The following GRM7 variants were observed in gnomAD, a reference collection of about 807,000 sequenced individuals.
GRM7 encodes metabotropic glutamate receptor 7.
In GRM7, 35 loss-of-function variants were observed where a neutral mutation model predicts 84.5. The ratio of observed to expected loss-of-function variants is 0.41; its 90% confidence interval spans 0.32 to 0.55. GRM7 has a LOEUF of 0.55. Among genes scored for constraint, GRM7 ranks in the 20% least tolerant of loss-of-function variants. GRM7 has a pLI of 0.19. For missense variants in GRM7, 1,003 were observed against 1,194.6 expected (o/e 0.84, Z 2.36); for synonymous variants, 487 against 455.1 (o/e 1.07, Z -0.89).
At position 6,928,128 on chromosome 3, in the gene GRM7, T is replaced by C. The variant is rs892862719; in HGVS notation, c.519+66221T>C. Reference sequence around the variant, plus strand: ...TTTTTCTACACTGCTGAGGTAGGTATTTTAACACATCCCTCATTGATCCTG... The same window carrying C: ...TTTTTCTACACTGCTGAGGTAGGTACTTTAACACATCCCTCATTGATCCTG... On this transcript the variant is annotated intron_variant, in intron 1 of 9. Transcript: ENST00000357716. This position sits in a 1 kb window ranked among gnomAD's most constrained non-coding sequence, Gnocchi z 4.5. 4.5e-4 allele frequency among the ~76,000 whole-genome samples: 69 copies of C among 152,024 alleles called. No homozygotes were observed. The highest frequency in any genetic ancestry group is 1.7e-3 in the African/African-American group (69 of 41,386).
chr3:7,449,178 T>G (rs1697657563), intron 5 of GRM7, among the ~76,000 whole-genome samples: 1 of 152,026 alleles, frequency 6.6e-6, no homozygotes, highest in Admixed American at 6.6e-5. Context: ...AAAAATAGCT[T>G]TTATATATAG....
chr3:7,722,448 C>CTT (rs34076976), intron 9 of GRM7, among the ~76,000 whole-genome samples: 6 of 136,510 alleles, frequency 4.4e-5, no homozygotes, highest in Non-Finnish European at 7.9e-5. Context: ...ATCCTTGTGT[C>CTT]TTTTTTTTTT....
At position 7,157,878 on chromosome 3, in the gene GRM7, T is replaced by A. The variant is rs546615115; in HGVS notation, c.736+11210T>A. Among the ~76,000 whole-genome samples the A allele has an allele frequency of 4.6e-4, 70 of 152,186 alleles. 1 individual carries two copies. Among genetic ancestry groups the A allele is most frequent in the Non-Finnish European group, 8.4e-4 (57 of 67,998 alleles). On this transcript the variant is annotated intron_variant, in intron 2 of 9. Transcript: ENST00000357716. ...TGGATTTAATAAGGTGGCCGAACAA[T>A]CTGTGCTGAAGCCCAGGAGAGCCAG... is the stretch of plus-strand genomic sequence containing the variant.
At chr3:7,606,552 G>A (rs1464942626) in intron 8 of GRM7, among the ~76,000 whole-genome samples, 1 of 152,166 alleles carries the variant, frequency 6.6e-6, no homozygotes, top group Middle Eastern at 3.4e-3. Context: ...TTTTTGGGGG[G>A]ACAAGGTCTC....
intron 5 of GRM7, among the ~76,000 whole-genome samples, chr3:7,426,271 C>G (rs1252793842): frequency 6.6e-6 from 1 of 152,054 alleles, no homozygotes; most frequent in Non-Finnish European, 1.5e-5. Context: ...AGGCATGCGC[C>G]ACCACGCCCT....
intron 8 of GRM7, among the ~76,000 whole-genome samples, chr3:7,601,026 C>CA (rs752722608): frequency 1.4e-4 from 21 of 152,108 alleles, no homozygotes; most frequent in Non-Finnish European, 2.8e-4. Context: ...TTTGCCCTGC[C>CA]ATGGAGTCTT....
chr3:7,280,139 C>T (rs1699205527), intron 2 of GRM7, among the ~76,000 whole-genome samples: 1 of 152,172 alleles, frequency 6.6e-6, no homozygotes, highest in Non-Finnish European at 1.5e-5. Context: ...TTCATACCCT[C>T]ATTAATCATA....
intron 7 of GRM7, among the ~76,000 whole-genome samples, chr3:7,482,516 C>T (rs1167380228): frequency 6.6e-6 from 1 of 152,128 alleles, no homozygotes; most frequent in Non-Finnish European, 1.5e-5. Context: ...TGAAGGGAGA[C>T]AATGCCAGGA....
Position 7,229,744 on chromosome 3 carries a change from TATATATATATATATA to T in GRM7, c.737-68939_737-68925del, listed in dbSNP as rs1232136082. 3.0e-4 allele frequency among the ~76,000 whole-genome samples: 11 copies of T among 36,160 alleles called. 1 individual carries two copies. The highest frequency in any genetic ancestry group is 1.0e-3 in the South Asian group (1 of 958). The allele number at this position is 36,160 out of a possible 152,430, so 23.7% of individuals were successfully genotyped here. A position where few individuals can be genotyped will look rare whatever the true frequency, so the allele number is the denominator to read the frequency against. On this transcript the variant is annotated intron_variant, in intron 2 of 9. Coordinates refer to ENST00000357716, the MANE Select transcript of GRM7 (RefSeq NM_000844.4). ...ACACACACATATATATATATATATA[TATATATATATATATA>T]TTTTTTTTTTTTTTTGGTTGACAGG...
At chr3:7,409,757 C>T (rs569704505) in intron 4 of GRM7, among the ~76,000 whole-genome samples, 134 of 152,024 alleles carry the variant, frequency 8.8e-4, no homozygotes, top group African/African-American at 3.0e-3. Flanking sequence ...CATGCCACCA[C>T]GCCCGGCGAA....
chr3:7,015,710 T>C (rs1695538583), intron 1 of GRM7, among the ~76,000 whole-genome samples: 3 of 152,156 alleles, frequency 2.0e-5, no homozygotes, highest in Admixed American at 6.5e-5. Flanking sequence ...CATGTGGCTA[T>C]TGGCAGAAAG....
intron 1 of GRM7, among the ~76,000 whole-genome samples, chr3:6,890,847 T>G (rs896269507): frequency 6.6e-6 from 1 of 152,244 alleles, no homozygotes; most frequent in South Asian, 2.1e-4. Context: ...AAGTCTCCCA[T>G]TATTATTGTG....
intron 7 of GRM7, among the ~76,000 whole-genome samples, chr3:7,566,276 T>C (rs1239950518): frequency 6.6e-6 from 1 of 152,162 alleles, no homozygotes; most frequent in Non-Finnish European, 1.5e-5. Flanking sequence ...AACTTTATTT[T>C]CAGAATAGGC....
intron 5 of GRM7, among the ~76,000 whole-genome samples, chr3:7,429,351 T>G (rs1696738445): frequency 6.6e-6 from 1 of 152,142 alleles, no homozygotes; most frequent in Admixed American, 6.6e-5. Flanking sequence ...AGTACAAACA[T>G]TTTTGGACAA....
chr3:7,052,716 G>A (rs991624303), intron 1 of GRM7, among the ~76,000 whole-genome samples: 6 of 116,388 alleles, frequency 5.2e-5, no homozygotes, highest in East Asian at 2.5e-4. Context: ...TGCAAGTATC[G>A]GTAGTTTTTT....
chr3:7,145,083 C>T (rs1315723554), intron 1 of GRM7, among the ~76,000 whole-genome samples: 1 of 152,086 alleles, frequency 6.6e-6, no homozygotes, highest in Admixed American at 6.6e-5. Flanking sequence ...TTTAGGCAAA[C>T]TACAAAGGAA....
intron 7 of GRM7, among the ~76,000 whole-genome samples, chr3:7,517,163 A>G (rs185381493): frequency 2.6e-5 from 4 of 152,258 alleles, no homozygotes. Context: ...TGACACCCCA[A>G]ATGTCCTGTT....
chr3:7,241,806 T>A (rs969231143), intron 2 of GRM7, among the ~76,000 whole-genome samples: 21 of 152,142 alleles, frequency 1.4e-4, no homozygotes, highest in African/African-American at 5.1e-4. Context: ...TCCAGGTTTT[T>A]ATTTGTGCAC....
chr3:7,134,922 C>G (rs890286851), intron 1 of GRM7, among the ~76,000 whole-genome samples: 2 of 151,490 alleles, frequency 1.3e-5, no homozygotes, highest in Admixed American at 1.3e-4. Context: ...TATGCTATAA[C>G]AAATATAACT....
Sources: allele counts gnomAD v4.1 joint callset (sites outside exome capture counted in the v4.1 genomes callset), GRCh38; gene constraint gnomAD v4.1.1; non-coding constraint Gnocchi (gnomAD v3.1); transcripts MANE v1.5; gene names NCBI Gene and HGNC (gene_info 2026-07-23, HGNC 2026-07-21).